CFAP299: variants seen among roughly 807,000 people sequenced by gnomAD.
CFAP299 encodes cilia and flagella associated protein 299.
Under a neutral mutation model 27.0 loss-of-function variants are expected in CFAP299, and 21 were observed. The observed-to-expected ratio is 0.78, with a 90% CI of 0.55 to 1.12. The LOEUF is 1.12. CFAP299 is among the 50% of genes most tolerant of loss of function. CFAP299 has a pLI of 0.00. For missense variants in CFAP299, 310 were observed against 276.6 expected, an observed-to-expected ratio of 1.12 and a Z score of -0.86; for synonymous variants, 104 against 98.1, an observed-to-expected ratio of 1.06 and a Z score of -0.36.
intron 3 of CFAP299, among the ~76,000 whole-genome samples, chr4:80,814,397 T>A (rs988239340): frequency 1.3e-5 from 2 of 152,032 alleles, no homozygotes; most frequent in Non-Finnish European, 2.9e-5. Context: ...ATGTCATTAG[T>A]AAAGCCATTT....
At chr4:80,643,618 G>T (rs1168977814) in intron 3 of CFAP299, among the ~76,000 whole-genome samples, 1 of 152,148 alleles carries the variant, frequency 6.6e-6, no homozygotes, top group East Asian at 1.9e-4. Flanking sequence ...GGAGAGCTTG[G>T]CCTTGGATAT....
intron 3 of CFAP299, among the ~76,000 whole-genome samples, chr4:80,601,791 C>T (rs916842452): frequency 9.2e-5 from 14 of 152,112 alleles, no homozygotes; most frequent in African/African-American, 3.1e-4. Context: ...GTAAAAATTG[C>T]AGCACTATTC....
At chr4:80,852,438 AAG>A (rs57752167) in intron 3 of CFAP299, among the ~76,000 whole-genome samples, 1,643 of 152,298 alleles carry the variant, frequency 0.011, 25 homozygotes, top group African/African-American at 0.037. Context: ...ACACCACAGA[AAG>A]AGAGAGACAG....
intron 3 of CFAP299, among the ~76,000 whole-genome samples, chr4:80,800,229 A>C (rs1264139251): frequency 1.3e-4 from 10 of 75,206 alleles, no homozygotes; most frequent in Non-Finnish European, 2.0e-4. Flanking sequence ...TATAATATAT[A>C]ATAAATAATA....
chr4:80,329,362 T>C, the CFAP299 span, among the ~76,000 whole-genome samples: 104,132 of 151,682 alleles, frequency 0.69, 36,773 homozygotes, highest in Non-Finnish European at 0.77. Flanking sequence ...CTGTCTTCCC[T>C]AAATGATAAT....
rs76431147 is a variant in CFAP299, at chr4:80,883,768, A to G, written c.476+13633A>G. On this transcript the variant is annotated intron_variant, in intron 4 of 5. Transcript: ENST00000358105. The stretch of plus-strand genomic sequence containing the variant: ...ATATGCACTCAGAGCTCTTAAATAT[A>G]TGAACCAAATATCAACAGATTTGAA... Among the ~76,000 whole-genome samples the G allele has an allele frequency of 4.6e-3, 696 of 152,344 alleles. 3 individuals carry two copies. Among genetic ancestry groups the G allele is most frequent in the African/African-American group, 0.016 (661 of 41,588 alleles).
At position 80,814,543 on chromosome 4, in the gene CFAP299, C is replaced by T. The variant is rs1417652000; in HGVS notation, c.334-55450C>T. Among the ~76,000 whole-genome samples, 6 of 151,870 alleles carry T rather than the reference C, an allele frequency of 4.0e-5. No individual in the cohort carries two copies. The East Asian group carries it at 9.6e-4, about 24-fold the overall frequency. The stretch of plus-strand genomic sequence containing the variant: ...CAACTCCCTAGTGGGTTTTTGTGTT[C>T]GTATGATTCTTTTTTTCTAAGACTC... On this transcript the variant is annotated intron_variant, in intron 3 of 5. Transcript: ENST00000358105.
chr4:80,666,338 C>T (rs1353449142), intron 3 of CFAP299, among the ~76,000 whole-genome samples: 4 of 152,082 alleles, frequency 2.6e-5, no homozygotes, highest in African/African-American at 9.7e-5. Flanking sequence ...ATGTTTTCAT[C>T]TCATGGTGAA....
chr4:80,431,487 G>A (rs9685728), intron 2 of CFAP299, among the ~76,000 whole-genome samples: 12,307 of 138,462 alleles, frequency 0.089, 1,223 homozygotes, highest in African/African-American at 0.25. Flanking sequence ...CCTTCTTTCC[G>A]TTTCCTCCTC....
At chr4:80,428,508 C>T (rs1727634295) in intron 2 of CFAP299, among the ~76,000 whole-genome samples, 2 of 152,162 alleles carry the variant, frequency 1.3e-5, no homozygotes, top group Admixed American at 6.5e-5. Context: ...AAAAGTATTT[C>T]AGCAGGAATA....
intron 4 of CFAP299, among the ~76,000 whole-genome samples, chr4:80,929,989 T>C (rs528322692): frequency 6.6e-6 from 1 of 152,270 alleles, no homozygotes; most frequent in East Asian, 1.9e-4. Flanking sequence ...GCTAATGAGA[T>C]GACTGGTGTT....
At chr4:80,769,246 C>T (rs565430004) in intron 3 of CFAP299, among the ~76,000 whole-genome samples, 15 of 152,266 alleles carry the variant, frequency 9.9e-5, no homozygotes, top group African/African-American at 3.4e-4. Flanking sequence ...TACGGTATGA[C>T]ATGAGTATTA....
chr4:80,360,264 C>T (rs892327132), intron 1 of CFAP299, among the ~76,000 whole-genome samples: 11 of 152,268 alleles, frequency 7.2e-5, no homozygotes, highest in African/African-American at 2.6e-4. Context: ...GTGCCTGCCT[C>T]TCTGCAGGCA....
At chr4:80,883,939 T>C (rs184545078) in intron 4 of CFAP299, among the ~76,000 whole-genome samples, 1 of 152,280 alleles carries the variant, frequency 6.6e-6, no homozygotes, top group African/African-American at 2.4e-5. Flanking sequence ...CATGGAGGTT[T>C]GTTGTACCAA....
intron 3 of CFAP299, among the ~76,000 whole-genome samples, chr4:80,829,194 A>G (rs1393807357): frequency 1.3e-5 from 2 of 152,070 alleles, no homozygotes; most frequent in African/African-American, 2.4e-5. Context: ...AGGAATTAAT[A>G]TTCAGAATAT....
intron 2 of CFAP299, among the ~76,000 whole-genome samples, chr4:80,520,361 T>G (rs757409662): frequency 1.3e-5 from 2 of 152,218 alleles, no homozygotes; most frequent in African/African-American, 2.4e-5. Context: ...CTGGGTCTTG[T>G]TCTCTATCAG....
At chr4:80,435,315 G>T (rs1026679570) in intron 2 of CFAP299, among the ~76,000 whole-genome samples, 2 of 152,072 alleles carry the variant, frequency 1.3e-5, no homozygotes, top group African/African-American at 4.8e-5. Flanking sequence ...CCAGAGAGGG[G>T]GTGAGCAAGC....
intron 3 of CFAP299, among the ~76,000 whole-genome samples, chr4:80,868,735 T>G (rs1732892021): frequency 6.6e-6 from 1 of 152,048 alleles, no homozygotes; most frequent in Non-Finnish European, 1.5e-5. Context: ...GTTTTAGATT[T>G]TATTCAGAAT....
intron 2 of CFAP299, among the ~76,000 whole-genome samples, chr4:80,473,059 G>T (rs1474991436): frequency 1.3e-5 from 2 of 152,102 alleles, no homozygotes; most frequent in South Asian, 2.1e-4. Context: ...CCCTCAAGGG[G>T]CTTAAGATTT....
Sources: gnomAD v4.1 joint callset for allele counts (sites outside exome capture counted in the v4.1 genomes callset) on GRCh38, gnomAD v4.1.1 for gene constraint, MANE v1.5 for transcripts, NCBI Gene and HGNC (gene_info 2026-07-23, HGNC 2026-07-21) for gene names.